The following WDR27 variants were observed in gnomAD, a reference collection of about 807,000 sequenced individuals.
The protein encoded by WDR27 is WD repeat-containing protein 27.
In WDR27, 100 loss-of-function variants were observed where a neutral mutation model predicts 114.4. The ratio of observed to expected loss-of-function variants is 0.87; its 90% CI spans 0.74 to 1.03. The LOEUF (loss-of-function observed/expected upper bound fraction) is 1.03, where lower values mean the gene tolerates loss of function less well. Ranked by LOEUF, WDR27 falls within the 50% of genes least tolerant of loss-of-function variation. WDR27 has a pLI of 0.00. For missense variants in WDR27, 1,129 were observed against 1,092.9 expected, an observed-to-expected ratio of 1.03 and a Z score of -0.47; for synonymous variants, 449 against 423.1, an observed-to-expected ratio of 1.06 and a Z score of -0.75.
rs376222834 is a variant in WDR27, at chr6:169,551,725, G to A, written c.2645+20694C>T. ...GCACTCCAGCCTGGGCAATAAGAGCGAGACTCCATCTCAAAAAAAAAAAAA... is the reference window on the plus strand; with the variant it reads ...GCACTCCAGCCTGGGCAATAAGAGCAAGACTCCATCTCAAAAAAAAAAAAA... On this transcript the variant is annotated intron_variant, in intron 25 of 25. Coordinates refer to ENST00000448612, the MANE Select transcript of WDR27 (RefSeq NM_182552.5). Among the ~76,000 whole-genome samples, 5 of 117,370 alleles carry A rather than the reference G, an allele frequency of 4.3e-5. 1 individual carries two copies. The Middle Eastern group carries it at 0.025, about 580-fold the overall frequency. 77.0% of individuals were successfully genotyped at this position (117,370 alleles called of 152,430 possible).
At chr6:169,585,647 T>G (rs1474296473) in intron 23 of WDR27, among the ~76,000 whole-genome samples, 2 of 152,194 alleles carry the variant, frequency 1.3e-5, no homozygotes, top group Non-Finnish European at 2.9e-5. Context: ...TACAATACAG[T>G]AAGCTAAAGA....
At chr6:169,467,471 G>A (rs1785743536) in intron 25 of WDR27, among the ~76,000 whole-genome samples, 1 of 152,230 alleles carries the variant, frequency 6.6e-6, no homozygotes, top group African/African-American at 2.4e-5. Context: ...TAAAGGTGGA[G>A]GCTCCCAAAC....
At chr6:169,471,376 G>A (rs990653980) in intron 25 of WDR27, among the ~76,000 whole-genome samples, 7 of 152,036 alleles carry the variant, frequency 4.6e-5, no homozygotes, top group Non-Finnish European at 8.8e-5. Flanking sequence ...GGAAAGCTTC[G>A]TTTCAGAGAT....
intron 23 of WDR27, among the ~76,000 whole-genome samples, chr6:169,593,847 TCAAAAAAA>T (rs906601643): frequency 2.3e-5 from 3 of 132,330 alleles, no homozygotes; most frequent in African/African-American, 8.7e-5. Context: ...AGACTCTGTC[TCAAAAAAA>T]CAAACAAACA....
At chr6:169,508,218 TAAAAC>T (rs1179893577) in intron 25 of WDR27, among the ~76,000 whole-genome samples, 1 of 152,048 alleles carries the variant, frequency 6.6e-6, no homozygotes, top group African/African-American at 2.4e-5. Context: ...CAAAAAAACT[TAAAAC>T]AGAACATCTC....
At chr6:169,442,442 A>T in the WDR27 span, among the ~76,000 whole-genome samples, 10 of 152,160 alleles carry the variant, frequency 6.6e-5, no homozygotes, top group Non-Finnish European at 1.5e-4. Context: ...CTCCCTTTTC[A>T]TGTTTGTTTT....
chr6:169,621,457 CACACAT>C, intron 21 of WDR27, among the ~76,000 whole-genome samples: 1 of 152,162 alleles, frequency 6.6e-6, no homozygotes, highest in African/African-American at 2.4e-5. Flanking sequence ...CACATGCACA[CACACAT>C]ATACATATGC....
chr6:169,427,806 A>C, the WDR27 span, among the ~76,000 whole-genome samples: 49,890 of 123,734 alleles, frequency 0.4, 10,112 homozygotes, highest in African/African-American at 0.61. Context: ...GACAAACAAC[A>C]ACCAAAAAAA....
Position 169,457,593 on chromosome 6 carries a change from T to C in WDR27, c.2687A>G (p.Ter896TrpextTer5). 6.4e-7 allele frequency: 1 copy of C among 1,552,260 alleles called. No homozygotes were observed. Among genetic ancestry groups the C allele is most frequent in the Non-Finnish European group, 8.7e-7 (1 of 1,147,122 alleles). ...LPWMVNSSSF* is the reference protein window; with the variant it reads ...LPWMVNSSSFW ...GCTCACAGGTCAGTGGTTACTCAGC[T>C]AGAAAGAGCTGGAGTTTACCATCCA... The change falls in exon 26 of 26, where the codon TAG becomes TGG. Residue 896 changes from the stop codon to tryptophan, a stop_lost. Coordinates refer to ENST00000448612, the MANE Select transcript of WDR27 (RefSeq NM_182552.5).
intron 25 of WDR27, among the ~76,000 whole-genome samples, chr6:169,469,506 G>A (rs185810745): frequency 1.5e-4 from 23 of 152,326 alleles, no homozygotes; most frequent in Non-Finnish European, 2.6e-4. Flanking sequence ...CTTGGAGAGT[G>A]GTCCCTCCCA....
At chr6:169,448,469 A>C in the WDR27 span, among the ~76,000 whole-genome samples, 1 of 151,840 alleles carries the variant, frequency 6.6e-6, no homozygotes, top group Admixed American at 6.6e-5. Context: ...GTTGAGGTGC[A>C]TAAAGAGAAG....
At chr6:169,555,372 G>A (rs1798729372) in intron 25 of WDR27, among the ~76,000 whole-genome samples, 1 of 152,122 alleles carries the variant, frequency 6.6e-6, no homozygotes, top group Admixed American at 6.5e-5. Context: ...CCCCAGAGGA[G>A]GAGAGGGCTC....
intron 25 of WDR27, among the ~76,000 whole-genome samples, chr6:169,509,938 G>A (rs12193197): frequency 0.52 from 78,689 of 151,952 alleles, 22,140 homozygotes; most frequent in Non-Finnish European, 0.64. Flanking sequence ...TTACAAGAAA[G>A]AAACAAACAA....
rs1439888119 is a variant in WDR27 at position 169,649,206 on chromosome 6, G to GCTGCTC, written c.1545_1550dup (p.Arg515_Ser516dup). On this transcript the variant is annotated inframe_insertion, in exon 15 of 26. Transcript: ENST00000448612. ...CACGCTACATCACACACCGTGCGCA[G>GCTGCTC]CTGCTCCTGCTCCTTGAAGATCCTT... 1.9e-6 allele frequency: 3 copies of GCTGCTC among 1,572,314 alleles called. No individual in the cohort carries two copies. The highest frequency in any genetic ancestry group is 2.6e-6 in the Non-Finnish European group (3 of 1,158,052).
At chr6:169,532,939 T>C (rs1258748898) in intron 25 of WDR27, among the ~76,000 whole-genome samples, 3 of 151,960 alleles carry the variant, frequency 2.0e-5, no homozygotes, top group Non-Finnish European at 2.9e-5. Flanking sequence ...CACCTATTTT[T>C]GAGCACCTAC....
At chr6:169,506,234 T>G (rs905565675) in intron 25 of WDR27, among the ~76,000 whole-genome samples, 5 of 152,232 alleles carry the variant, frequency 3.3e-5, no homozygotes, top group African/African-American at 1.2e-4. Context: ...AAAATTGGCA[T>G]AAACATCACA....
chr6:169,670,440 A>G, intron 4 of WDR27, 129 bp downstream of exon 4: 1 of 1,000,914 alleles, frequency 1.0e-6, no homozygotes, highest in Non-Finnish European at 1.4e-6. Context: ...AAAGTAAACT[A>G]AATTGAAGAT....
intron 14 of WDR27, 28 bp from the exon 15 acceptor site, chr6:169,649,303 C>T: frequency 5.2e-6 from 8 of 1,525,686 alleles, no homozygotes; most frequent in Non-Finnish European, 7.1e-6. Context: ...TAATATCACT[C>T]TCAAATATTA....
intron 25 of WDR27, among the ~76,000 whole-genome samples, chr6:169,464,074 T>C (rs111384374): frequency 0.012 from 1,775 of 152,268 alleles, 39 homozygotes; most frequent in African/African-American, 0.041. Flanking sequence ...GTAAAAACAA[T>C]CTTGAAAAGG....
Sources: gnomAD v4.1 joint callset for allele counts (sites outside exome capture counted in the v4.1 genomes callset) on GRCh38, gnomAD v4.1.1 for gene constraint, MANE v1.5 for transcripts, NCBI Gene and HGNC (gene_info 2026-07-23, HGNC 2026-07-21) for gene names.